The following MTREX variants were observed in gnomAD, a reference collection of about 807,000 sequenced individuals.
The protein encoded by MTREX is exosome RNA helicase MTR4.
A neutral mutation model predicts 135.4 loss-of-function variants in MTREX; 76 were observed. The observed-to-expected ratio is 0.56, with a 90% CI of 0.47 to 0.68. MTREX has a LOEUF of 0.68. Ranked by LOEUF, MTREX falls within the 30% of genes least tolerant of loss-of-function variation. The pLI, the probability that MTREX is intolerant of heterozygous loss-of-function variation, is 0.00. For synonymous variants in MTREX, 404 were observed against 401.6 expected (o/e 1.01, Z -0.07); for missense variants, 920 against 1,262.1 (o/e 0.73, Z 4.11).
At position 55,354,938 on chromosome 5, in the gene MTREX, C is replaced by T. The variant is rs188122903; in HGVS notation, c.1533+1669C>T. ...GGACTCCCTCTAGCCTGAGACTCATCGGGGTCCAGACTGGAAGGCTAATGC... is the reference window on the plus strand; with the variant it reads ...GGACTCCCTCTAGCCTGAGACTCATTGGGGTCCAGACTGGAAGGCTAATGC... On this transcript the variant is annotated intron_variant, in intron 14 of 26. Coordinates refer to ENST00000230640, the MANE Select transcript of MTREX (RefSeq NM_015360.5). 4.6e-5 allele frequency among the ~76,000 whole-genome samples: 7 copies of T among 152,288 alleles called. No individual in the cohort carries two copies. The East Asian group carries it at 7.7e-4, about 17-fold the overall frequency.
chr5:55,415,999 A>G lies in MTREX; in HGVS notation c.2838A>G (p.Ser946=), dbSNP rs1448155148. Residue 946 remains serine, a synonymous_variant, in exon 25 of 27, where the codon TCA becomes TCG. Coordinates refer to ENST00000230640, the MANE Select transcript of MTREX (RefSeq NM_015360.5). ...GTGCTAAAAGAATTGCAAAAGTTTC[A>G]GCAGAAGCCAAATTGGAAATTGATG... ...QECAKRIAKV[S]AEAKLEIDEE... 4 of 1,591,392 alleles carry G rather than the reference A, an allele frequency of 2.5e-6. No individual in the cohort carries two copies. The highest frequency in any genetic ancestry group is 3.4e-6 in the Non-Finnish European group (4 of 1,172,996).
At chr5:55,359,041 T>C (rs1259336461) in intron 15 of MTREX, among the ~76,000 whole-genome samples, 1 of 152,222 alleles carries the variant, frequency 6.6e-6, no homozygotes, top group Non-Finnish European at 1.5e-5. Context: ...AGTTCTGTTC[T>C]ACTGATAATC....
At chr5:55,424,032 GAAAAAAAAGTGT>G (rs1324149494) in intron 26 of MTREX, 3 of 151,496 alleles carry the variant, frequency 2.0e-5, no homozygotes, top group Non-Finnish European at 4.4e-5. Flanking sequence ...CATGGGAACT[GAAAAAAAAGTGT>G]CTTCTGATAT....
chr5:55,375,293 T>C (rs1008820100), intron 16 of MTREX, among the ~76,000 whole-genome samples: 31 of 152,154 alleles, frequency 2.0e-4, no homozygotes, highest in African/African-American at 6.8e-4. Context: ...ATGGGAGCGC[T>C]ATGGGAGACT....
intron 3 of MTREX, among the ~76,000 whole-genome samples, chr5:55,325,548 C>G (rs1749365423): frequency 6.6e-6 from 1 of 150,968 alleles, no homozygotes; most frequent in South Asian, 2.1e-4. Context: ...CTGGGTTTCA[C>G]CATGTTGGTC....
chr5:55,398,430 A>G (rs1750677214), intron 20 of MTREX, among the ~76,000 whole-genome samples: 1 of 152,192 alleles, frequency 6.6e-6, no homozygotes, highest in Admixed American at 6.5e-5. Context: ...TCCTGAAATG[A>G]GTGATTCTCT....
At chr5:55,423,934 TC>T in intron 26 of MTREX, 1 of 152,152 alleles carries the variant, frequency 6.6e-6, no homozygotes. Flanking sequence ...GTTTAATGAC[TC>T]AGAATTTAAG....
intron 16 of MTREX, among the ~76,000 whole-genome samples, chr5:55,370,793 G>T (rs572374661): frequency 4.6e-5 from 7 of 152,158 alleles, no homozygotes; most frequent in Non-Finnish European, 1.5e-5. Context: ...ACTTGCAGGA[G>T]TATACTTCTT....
intron 16 of MTREX, among the ~76,000 whole-genome samples, chr5:55,376,800 T>C (rs1750309363): frequency 6.6e-6 from 1 of 152,178 alleles, no homozygotes; most frequent in Admixed American, 6.5e-5. Context: ...TCGGGTGTGG[T>C]GGCTCACGCC....
intron 20 of MTREX, among the ~76,000 whole-genome samples, 174 bp from the exon 21 acceptor site, chr5:55,400,059 C>A (rs1342873653): frequency 6.6e-6 from 1 of 151,836 alleles, no homozygotes; most frequent in Non-Finnish European, 1.5e-5. Flanking sequence ...AAAGAGTTTT[C>A]AAAAATAAAT....
At position 55,343,320 on chromosome 5, in the gene MTREX, AT is replaced by A. The variant is rs757981606; in HGVS notation, c.782-4del. 1 of 1,600,654 alleles carries A rather than the reference AT, an allele frequency of 6.2e-7. No individual in the cohort carries two copies. Among genetic ancestry groups the A allele is most frequent in the South Asian group, 1.1e-5 (1 of 89,040 alleles). On this transcript the variant is annotated splice_polypyrimidine_tract_variant and intron_variant, in intron 7 of 26. Transcript: ENST00000230640. ...CAACTATAGTCCAAAGTATATATTTATTTTTTTCAGAACGTGGTGTAGTATG... is the reference window on the plus strand; with the variant it reads ...CAACTATAGTCCAAAGTATATATTTATTTTTTCAGAACGTGGTGTAGTATG...
intron 7 of MTREX, among the ~76,000 whole-genome samples, chr5:55,342,992 A>G (rs547818930): frequency 6.6e-6 from 1 of 152,348 alleles, no homozygotes; most frequent in East Asian, 1.9e-4. Flanking sequence ...ATAACTTTCT[A>G]CAAGTTAGTA....
intron 18 of MTREX, among the ~76,000 whole-genome samples, chr5:55,385,673 C>T (rs1013026349): frequency 1.3e-5 from 2 of 151,932 alleles, no homozygotes; most frequent in African/African-American, 4.8e-5. Flanking sequence ...AGGACTGTTT[C>T]CAGAAAATTT....
intron 13 of MTREX, among the ~76,000 whole-genome samples, chr5:55,351,896 A>G (rs1232347547): frequency 1.3e-5 from 2 of 150,470 alleles, no homozygotes; most frequent in Non-Finnish European, 2.9e-5. Flanking sequence ...GTTGGAGTGC[A>G]GTAGCACCTC....
chr5:55,416,983 G>A (rs1750975821), intron 25 of MTREX, among the ~76,000 whole-genome samples: 1 of 152,146 alleles, frequency 6.6e-6, no homozygotes, highest in Non-Finnish European at 1.5e-5. Flanking sequence ...TTATGAATCA[G>A]TTATTTTTAT....
chr5:55,382,786 C>A (rs1750417080), intron 18 of MTREX, among the ~76,000 whole-genome samples: 1 of 152,132 alleles, frequency 6.6e-6, no homozygotes, highest in Non-Finnish European at 1.5e-5. Context: ...GCTCACGCCA[C>A]CACACCCAGC....
At chr5:55,369,251 G>A (rs1295785133) in intron 16 of MTREX, among the ~76,000 whole-genome samples, 5 of 152,134 alleles carry the variant, frequency 3.3e-5, no homozygotes, top group African/African-American at 4.8e-5. Context: ...GGAAATTTCA[G>A]ATGCTGTCAT....
At chr5:55,405,401 T>A (rs751910471) in intron 21 of MTREX, 24 bp from the exon 22 acceptor site, 2 of 1,587,124 alleles carry the variant, frequency 1.3e-6, no homozygotes, top group South Asian at 1.1e-5. Context: ...TATTGAACTT[T>A]CTTTATACTT....
intron 1 of MTREX, among the ~76,000 whole-genome samples, chr5:55,318,687 T>C (rs1749238454): frequency 6.6e-6 from 1 of 152,120 alleles, no homozygotes; most frequent in Non-Finnish European, 1.5e-5. Context: ...ATCTAGATGA[T>C]GAAATAATAT....
Sources: gnomAD v4.1 joint callset for allele counts (sites outside exome capture counted in the v4.1 genomes callset) on GRCh38, gnomAD v4.1.1 for gene constraint, MANE v1.5 for transcripts, NCBI Gene and HGNC (gene_info 2026-07-23, HGNC 2026-07-21) for gene names.